Variants in GRID1 observed in about 807,000 individuals in gnomAD.
GRID1 encodes the protein glutamate ionotropic receptor delta type subunit 1.
GRID1 carries 28 observed loss-of-function variants against 98.0 expected under a neutral mutation model. The observed-to-expected ratio is 0.29, with a 90% CI of 0.21 to 0.39. The LOEUF is 0.39. Ranked by LOEUF, GRID1 falls within the 10% of genes least tolerant of loss-of-function variation. The probability of loss-of-function intolerance (pLI) is 1.00; values close to 1 mark genes in which losing one functional copy is unlikely to be tolerated. For missense variants in GRID1, 1,111 were observed against 1,340.5 expected (o/e 0.83, Z 2.67); for synonymous variants, 553 against 538.5 (o/e 1.03, Z -0.37).
At chr10:85,963,258 G>C (rs1842293698) in intron 4 of GRID1, among the ~76,000 whole-genome samples, 1 of 151,906 alleles carries the variant, frequency 6.6e-6, no homozygotes, top group Admixed American at 6.6e-5. Flanking sequence ...TGGGTTTCGG[G>C]TCCCATGGAT....
chr10:85,870,705 G>A (rs897976946), intron 5 of GRID1, among the ~76,000 whole-genome samples: 122 of 152,250 alleles, frequency 8.0e-4, no homozygotes, highest in African/African-American at 2.8e-3. Context: ...AGGCAGCAGG[G>A]AGTGTGAAAT....
chr10:86,112,687 G>A (rs1266210869), intron 4 of GRID1, among the ~76,000 whole-genome samples: 2 of 152,190 alleles, frequency 1.3e-5, no homozygotes, highest in Non-Finnish European at 2.9e-5. Flanking sequence ...TCCTAATGAG[G>A]ACGGGCCTTC....
intron 12 of GRID1, among the ~76,000 whole-genome samples, chr10:85,699,621 T>C (rs2132620640): frequency 6.6e-6 from 1 of 152,272 alleles, no homozygotes; most frequent in Non-Finnish European, 1.5e-5. Flanking sequence ...AAAATAATAA[T>C]ACAAAATTAA....
chr10:86,237,439 G>A (rs559473443), intron 2 of GRID1, among the ~76,000 whole-genome samples: 2 of 152,086 alleles, frequency 1.3e-5, no homozygotes, highest in Non-Finnish European at 2.9e-5. Flanking sequence ...AGTGGCTCAC[G>A]CCTGTAATCC....
At chr10:85,741,998 A>T (rs1410879090) in intron 8 of GRID1, among the ~76,000 whole-genome samples, 2 of 152,176 alleles carry the variant, frequency 1.3e-5, no homozygotes, top group African/African-American at 2.4e-5. Flanking sequence ...ATCTTGATAA[A>T]GGCCTTCTCA....
chr10:86,337,698 C>CTTTT lies in GRID1; in HGVS notation c.235+26239_235+26242dup, dbSNP rs57891044. On this transcript the variant is annotated intron_variant, in intron 2 of 15. Coordinates refer to ENST00000327946, the MANE Select transcript of GRID1 (RefSeq NM_017551.3). The stretch of plus-strand genomic sequence containing the variant: ...ACAGCCTTTCTCTTCCCTTTGGGAA[C>CTTTT]TTTTTTTTTTTTTTTTTTTTTTTTT... Among the ~76,000 whole-genome samples, 91 of 73,340 alleles carry CTTTT rather than the reference C, an allele frequency of 1.2e-3. 13 individuals carry two copies. The highest frequency in any genetic ancestry group is 4.1e-3 in the African/African-American group (70 of 17,194). The allele number at this position is 73,340 out of a possible 152,430, so 48.1% of individuals were successfully genotyped here.
intron 12 of GRID1, among the ~76,000 whole-genome samples, chr10:85,687,909 CTG>C (rs991411749): frequency 2.7e-4 from 41 of 152,224 alleles, no homozygotes; most frequent in African/African-American, 9.6e-4. Context: ...AGTGAAATGA[CTG>C]TGTTTAAAAG....
chr10:86,069,629 C>T (rs997891268), intron 4 of GRID1, among the ~76,000 whole-genome samples: 2 of 152,122 alleles, frequency 1.3e-5, no homozygotes, highest in Non-Finnish European at 2.9e-5. Context: ...GCCTGGGAGA[C>T]AGAGTGAGAC....
At chr10:85,700,761 T>A (rs1389545899) in intron 12 of GRID1, among the ~76,000 whole-genome samples, 1 of 152,064 alleles carries the variant, frequency 6.6e-6, no homozygotes, top group Non-Finnish European at 1.5e-5. Context: ...AAGGTAAAAA[T>A]TGCTTAATGT....
At chr10:86,286,482 T>C (rs1847433799) in intron 2 of GRID1, among the ~76,000 whole-genome samples, 1 of 152,190 alleles carries the variant, frequency 6.6e-6, no homozygotes, top group African/African-American at 2.4e-5. Flanking sequence ...CACCATGGGC[T>C]CCACGAATTC....
intron 4 of GRID1, among the ~76,000 whole-genome samples, chr10:86,122,604 C>T (rs985105119): frequency 6.6e-6 from 1 of 152,244 alleles, no homozygotes; most frequent in Non-Finnish European, 1.5e-5. Context: ...ACCTATCTTC[C>T]TTTGGAAGCT....
intron 4 of GRID1, among the ~76,000 whole-genome samples, chr10:86,080,383 AAAGGGAAGGGAAGGG>A (rs1300914353): frequency 1.8e-5 from 1 of 54,770 alleles, no homozygotes; most frequent in African/African-American, 7.2e-5. Flanking sequence ...AAAGGAAAGG[AAAGGGAAGGGAAGGG>A]AAGGGAAGGG....
chr10:86,284,796 G>A (rs867854765), intron 2 of GRID1, among the ~76,000 whole-genome samples: 18 of 152,228 alleles, frequency 1.2e-4, no homozygotes, highest in Admixed American at 2.0e-4. Context: ...GTCTGAGGAC[G>A]GGGCATAGGG....
At chr10:86,326,751 G>A (rs1848056187) in intron 2 of GRID1, among the ~76,000 whole-genome samples, 1 of 152,214 alleles carries the variant, frequency 6.6e-6, no homozygotes, top group Non-Finnish European at 1.5e-5. Flanking sequence ...CACATCACGT[G>A]GTAAATTGGA....
chr10:86,217,221 G>A lies in GRID1; in HGVS notation c.236-10573C>T, dbSNP rs190085340. Among the ~76,000 whole-genome samples the A allele has an allele frequency of 3.3e-5, 5 of 152,312 alleles. No individual in the cohort carries two copies. In the East Asian group the frequency reaches 7.7e-4, roughly 24 times the overall value. ...GAGCTGTCTCTGATCTCAAAGTTAA[G>A]AGACCAGCCCAGGAGACAGTCAGGC... On this transcript the variant is annotated intron_variant, in intron 2 of 15. Transcript: ENST00000327946.
intron 12 of GRID1, among the ~76,000 whole-genome samples, chr10:85,671,729 C>T (rs1409927585): frequency 6.6e-6 from 1 of 152,164 alleles, no homozygotes; most frequent in East Asian, 1.9e-4. Flanking sequence ...CAAGAGAGGC[C>T]TCTTAGCCAG....
chr10:85,647,178 G>A (rs1423774008), intron 13 of GRID1, 24 bp downstream of exon 13: 2 of 1,602,244 alleles, frequency 1.2e-6, no homozygotes, highest in Non-Finnish European at 1.7e-6. Context: ...CAGTGCACGT[G>A]CCCAAGCGCC....
chr10:86,280,009 C>T (rs976607627), intron 2 of GRID1, among the ~76,000 whole-genome samples: 2 of 152,088 alleles, frequency 1.3e-5, no homozygotes, highest in Non-Finnish European at 2.9e-5. Flanking sequence ...TTGAGACCAG[C>T]CTGGGCAACA....
intron 4 of GRID1, among the ~76,000 whole-genome samples, chr10:86,059,246 T>C (rs1170578850): frequency 6.6e-6 from 1 of 152,188 alleles, no homozygotes; most frequent in South Asian, 2.1e-4. Context: ...AGGTCTTGCT[T>C]GTCAGGGGCC....
Sources: allele counts gnomAD v4.1 joint callset (sites outside exome capture counted in the v4.1 genomes callset), GRCh38; gene constraint gnomAD v4.1.1; transcripts MANE v1.5; gene names NCBI Gene and HGNC (gene_info 2026-07-23, HGNC 2026-07-21).